Variants in URI1 observed in about 807,000 individuals in gnomAD.
URI1 encodes unconventional prefoldin RPB5 interactor 1.
A neutral mutation model predicts 60.2 loss-of-function variants in URI1; 39 were observed. The observed-to-expected ratio is 0.65, with a 90% CI of 0.50 to 0.85. The LOEUF (loss-of-function observed/expected upper bound fraction) is 0.85, where lower values mean the gene tolerates loss of function less well. URI1 is among the 40% of genes least tolerant of loss of function. The pLI is 0.00. For synonymous variants in URI1, 251 were observed against 236.8 expected (o/e 1.06, Z -0.55); for missense variants, 691 against 665.9 (o/e 1.04, Z -0.42).
chr19:29,984,814 A>G (rs1772083041), intron 2 of URI1, among the ~76,000 whole-genome samples: 1 of 152,130 alleles, frequency 6.6e-6, no homozygotes, highest in Admixed American at 6.5e-5. Flanking sequence ...GACTGAAAGA[A>G]GAGATTTAAT....
At chr19:30,011,338 A>G (rs1232193713) in intron 9 of URI1, 102 bp downstream of exon 9, 1 of 1,432,356 alleles carries the variant, frequency 7.0e-7, no homozygotes, top group Non-Finnish European at 9.3e-7. Flanking sequence ...GAAGACCCTC[A>G]CTGAAAAGTG....
intron 1 of URI1, among the ~76,000 whole-genome samples, chr19:29,961,476 C>T (rs2055322833): frequency 6.6e-6 from 1 of 152,006 alleles, no homozygotes; most frequent in Non-Finnish European, 1.5e-5. Flanking sequence ...CGTTGTGGCA[C>T]ATATCAGAAT....
At chr19:29,959,854 TCTTTTTTC>T (rs2055300313) in intron 1 of URI1, among the ~76,000 whole-genome samples, 1 of 150,686 alleles carries the variant, frequency 6.6e-6, no homozygotes, top group Non-Finnish European at 1.5e-5. Flanking sequence ...ATTTCTTCTC[TCTTTTTTC>T]CTGTTTAAGA....
At chr19:29,979,175 C>T (rs2055561993) in intron 2 of URI1, among the ~76,000 whole-genome samples, 1 of 152,234 alleles carries the variant, frequency 6.6e-6, no homozygotes, top group South Asian at 2.1e-4. Context: ...CACAAACTTT[C>T]AAAGCTTAAG....
intron 4 of URI1, among the ~76,000 whole-genome samples, chr19:29,987,574 ACGAAGC>A (rs1176493442): frequency 1.3e-5 from 2 of 152,200 alleles, no homozygotes; most frequent in African/African-American, 2.4e-5. Flanking sequence ...CTTACTGAAG[ACGAAGC>A]CTCTCTTTAT....
chr19:29,949,682 C>T (rs2055153834), intron 1 of URI1, among the ~76,000 whole-genome samples: 1 of 152,228 alleles, frequency 6.6e-6, no homozygotes, highest in African/African-American at 2.4e-5. Context: ...CCAAGGCTGG[C>T]AGATCACTCG....
upstream of URI1, among the ~76,000 whole-genome samples, chr19:29,939,788 G>C (rs2055005728): frequency 6.6e-6 from 1 of 152,220 alleles, no homozygotes; most frequent in African/African-American, 2.4e-5. Flanking sequence ...AGGTGCAAAG[G>C]CCCTGAGGCA....
chr19:30,007,765 T>C (rs111618927), intron 7 of URI1, 127 bp downstream of exon 7: 1 of 761,604 alleles, frequency 1.3e-6, no homozygotes. Flanking sequence ...TAATATATTA[T>C]CAATAATCCT....
intron 1 of URI1, among the ~76,000 whole-genome samples, chr19:29,948,927 A>AC (rs530166355): frequency 0.027 from 3,742 of 140,946 alleles, 167 homozygotes; most frequent in African/African-American, 0.093. Context: ...GGGCAGAGGC[A>AC]CCCCCCACCT....
Position 29,986,358 on chromosome 19 carries a change from A to C in URI1, c.308A>C (p.Asn103Thr). ...GAAGTCACTGTTTTACTGGGGGACA[A>C]CTGGTTTGCAAAGTGCTCAGCAAAG... ...TNEVTVLLGD[N>T]WFAKCSAKQA... Residue 103 changes from asparagine to threonine, a missense_variant, in exon 4 of 11, where the codon AAC becomes ACC. Coordinates refer to ENST00000392271, the MANE Select transcript of URI1 (RefSeq NM_003796.3). The C allele has an allele frequency of 2.5e-6, 4 of 1,610,814 alleles. No individual in the cohort carries two copies. Among genetic ancestry groups the C allele is most frequent in the Non-Finnish European group, 3.4e-6 (4 of 1,179,482 alleles).
At chr19:29,979,668 G>T (rs1036690919) in intron 2 of URI1, among the ~76,000 whole-genome samples, 1 of 152,008 alleles carries the variant, frequency 6.6e-6, no homozygotes, top group African/African-American at 2.4e-5. Context: ...TTATATGCGG[G>T]TTAATCTTGG....
chr19:29,957,284 CTTTATAGCCGCTT>C (rs902806224), intron 1 of URI1, among the ~76,000 whole-genome samples: 1 of 151,708 alleles, frequency 6.6e-6, no homozygotes. Context: ...CCCTTGGTTT[CTTTATAGCCGCTT>C]TTGTTTTTAT....
intron 4 of URI1, among the ~76,000 whole-genome samples, chr19:29,988,631 G>GCAA (rs2055703892): frequency 6.6e-6 from 1 of 152,194 alleles, no homozygotes; most frequent in East Asian, 1.9e-4. Flanking sequence ...GCTGAGGAGT[G>GCAA]TTCCGTTACA....
At chr19:30,014,811 C>T in intron 10 of URI1, 76 bp from the exon 11 acceptor site, 2 of 1,402,212 alleles carry the variant, frequency 1.4e-6, no homozygotes, top group Middle Eastern at 1.9e-4. Context: ...AAAAGAATTG[C>T]CAAATGAGTG....
At chr19:29,998,839 G>A (rs996509690) in intron 4 of URI1, among the ~76,000 whole-genome samples, 4 of 151,640 alleles carry the variant, frequency 2.6e-5, no homozygotes, top group South Asian at 2.1e-4. Flanking sequence ...AAAGACTTTC[G>A]CTGTTTTGTT....
At chr19:29,973,629 AT>A (rs1339940139) in intron 2 of URI1, among the ~76,000 whole-genome samples, 1 of 152,160 alleles carries the variant, frequency 6.6e-6, no homozygotes, top group Non-Finnish European at 1.5e-5. Context: ...TTAAAAAAAA[AT>A]GTAGGACAGG....
chr19:29,971,582 A>G (rs909961032), intron 2 of URI1, among the ~76,000 whole-genome samples: 18 of 151,898 alleles, frequency 1.2e-4, no homozygotes, highest in African/African-American at 4.3e-4. Context: ...AATAATGGGA[A>G]TCAGTTACTT....
chr19:30,002,771 C>CT (rs1261198479), intron 4 of URI1, among the ~76,000 whole-genome samples: 1 of 151,586 alleles, frequency 6.6e-6, no homozygotes, highest in Non-Finnish European at 1.5e-5. Flanking sequence ...AATTTGTTTT[C>CT]TTTTTTCTAT....
chr19:30,005,664 T>C lies in URI1; in HGVS notation c.473T>C (p.Ile158Thr), dbSNP rs373724542. ...LQKMSDAAGD[I>T]VDIREEIKCD... ...TTTAAAAACCAGGCTGCAGGTGATATTGTTGACATACGAGAAGAAATTAAA... is the reference window on the plus strand; with the variant it reads ...TTTAAAAACCAGGCTGCAGGTGATACTGTTGACATACGAGAAGAAATTAAA... Residue 158 changes from isoleucine (I) to threonine (T), a missense_variant, in exon 6 of 11, where the codon ATT becomes ACT. Coordinates refer to ENST00000392271, the MANE Select transcript of URI1 (RefSeq NM_003796.3). The C allele has an allele frequency of 4.8e-5, 77 of 1,611,794 alleles. No individual in the cohort carries two copies. The African/African-American group carries it at 8.0e-4, about 17-fold the overall frequency.
Sources: gnomAD v4.1 joint callset for allele counts (sites outside exome capture counted in the v4.1 genomes callset) on GRCh38, gnomAD v4.1.1 for gene constraint, MANE v1.5 for transcripts, NCBI Gene and HGNC (gene_info 2026-07-23, HGNC 2026-07-21) for gene names.